Variants in PTPRK observed in about 807,000 individuals in gnomAD.
PTPRK encodes protein tyrosine phosphatase receptor type K.
PTPRK carries 75 observed loss-of-function variants against 178.0 expected under a neutral mutation model. The observed-to-expected ratio is 0.42, with a 90% CI of 0.35 to 0.51. The LOEUF (loss-of-function observed/expected upper bound fraction) is 0.51. Ranked by LOEUF, PTPRK falls within the 20% of genes least tolerant of loss-of-function variation. The pLI is 0.02. For synonymous variants in PTPRK, 637 were observed against 620.6 expected (o/e 1.03, Z -0.39); for missense variants, 1,441 against 1,797.8 (o/e 0.80, Z 3.59).
chr6:127,998,766 T>C lies in PTPRK; in HGVS notation c.2633A>G (p.Asn878Ser), dbSNP rs371512330. Residue 878 changes from asparagine (N) to serine (S), a missense_variant, in exon 16 of 30, where the codon AAT (asparagine) becomes AGT (serine). Coordinates refer to ENST00000368226, the MANE Select transcript of PTPRK (RefSeq NM_002844.4). Reference protein sequence around the residue: ...IRVADLLQHINLMKTSDSYGF... With the variant: ...IRVADLLQHISLMKTSDSYGF... ...ATAGCTGTCTGATGTCTTCATGAGA[T>C]TAATGTGCTGCAGTAAATCAGCTAC... The C allele has an allele frequency of 1.5e-5, 24 of 1,608,860 alleles. No individual in the cohort carries two copies. The highest frequency in any genetic ancestry group is 2.0e-5 in the Non-Finnish European group (24 of 1,176,896).
intron 1 of PTPRK, among the ~76,000 whole-genome samples, chr6:128,434,928 G>A (rs1233361442): frequency 2.6e-5 from 4 of 152,128 alleles, no homozygotes; most frequent in Non-Finnish European, 5.9e-5. Flanking sequence ...GGAGGCTGAG[G>A]TAGGAGGATC....
At chr6:128,422,111 T>A (rs1393514447) in intron 1 of PTPRK, among the ~76,000 whole-genome samples, 1 of 152,262 alleles carries the variant, frequency 6.6e-6, no homozygotes, top group African/African-American at 2.4e-5. Context: ...AAGGTTATGT[T>A]TAATTTTTCA....
At chr6:128,329,466 G>C in intron 2 of PTPRK, among the ~76,000 whole-genome samples, 1 of 150,060 alleles carries the variant, frequency 6.7e-6, no homozygotes. Context: ...CCAGACTCAG[G>C]ACAGGAGAGC....
In PTPRK at chr6:128,219,080, T is replaced by C. The variant is rs761317393; in HGVS notation, c.710A>G (p.Asp237Gly). ...KLWLQRRNGE[D>G]IPVAQTKNIN... ...GTTCTTAGTCTGGGCTACTGGTATA[T>C]CTTCTCCATTTCGTCTCTGCAAACA... Residue 237 changes from aspartate to glycine, a missense_variant, in exon 6 of 30, where the codon GAT (aspartate) becomes GGT (glycine). Around this residue, in one of 4 missense-constraint regions of PTPRK, gnomAD observed 945 missense variants for 1,080.6 expected, o/e 0.87. Coordinates refer to ENST00000368226, the MANE Select transcript of PTPRK (RefSeq NM_002844.4). The C allele has an allele frequency of 1.8e-5, 29 of 1,612,788 alleles. No individual in the cohort carries two copies. In the Admixed American group the frequency reaches 4.8e-4, roughly 27 times the overall value.
chr6:128,211,484 AC>A (rs1358383461), intron 6 of PTPRK, among the ~76,000 whole-genome samples: 1 of 152,152 alleles, frequency 6.6e-6, no homozygotes, highest in Non-Finnish European at 1.5e-5. Context: ...TTTCTGTGGT[AC>A]TATCATAAAC....
chr6:127,980,213 G>T (rs1333670159), intron 25 of PTPRK, among the ~76,000 whole-genome samples: 1 of 152,204 alleles, frequency 6.6e-6, no homozygotes, highest in African/African-American at 2.4e-5. Context: ...GGGAGGCAAA[G>T]GCAGGAGAAT....
intron 2 of PTPRK, among the ~76,000 whole-genome samples, chr6:128,331,489 A>G (rs1395033023): frequency 6.6e-6 from 1 of 152,284 alleles, no homozygotes; most frequent in East Asian, 1.9e-4. Flanking sequence ...GAGAAAAAAA[A>G]AGAGTAAAAT....
chr6:128,505,104 C>CTTTTTTT (rs1491132852), intron 1 of PTPRK, among the ~76,000 whole-genome samples: 1 of 142,832 alleles, frequency 7.0e-6, no homozygotes, highest in African/African-American at 2.6e-5. Context: ...AAGAAATTTA[C>CTTTTTTT]TTGTTTTTTT....
At chr6:128,132,865 G>A (rs912610564) in intron 7 of PTPRK, among the ~76,000 whole-genome samples, 2 of 152,106 alleles carry the variant, frequency 1.3e-5, no homozygotes, top group East Asian at 3.9e-4. Flanking sequence ...AAATTGTCCT[G>A]ATTTTTTTCC....
At chr6:128,003,888 C>T (rs1455185136) in intron 15 of PTPRK, among the ~76,000 whole-genome samples, 1 of 151,750 alleles carries the variant, frequency 6.6e-6, no homozygotes, top group Non-Finnish European at 1.5e-5. Context: ...ATGATTATAA[C>T]TAAATTCCAA....
At chr6:128,089,541 C>T (rs1786556727) in intron 8 of PTPRK, 149 bp downstream of exon 8, 2 of 845,482 alleles carry the variant, frequency 2.4e-6, no homozygotes, top group Non-Finnish European at 3.6e-6. Context: ...TTGTAAAAGG[C>T]AATTTTTTTC....
At chr6:128,109,962 A>C (rs1001337105) in intron 7 of PTPRK, among the ~76,000 whole-genome samples, 8 of 152,088 alleles carry the variant, frequency 5.3e-5, no homozygotes, top group African/African-American at 1.9e-4. Context: ...CTGGAAATCA[A>C]TGGCTCAATC....
At chr6:128,470,059 C>A (rs1437196695) in intron 1 of PTPRK, among the ~76,000 whole-genome samples, 1 of 152,116 alleles carries the variant, frequency 6.6e-6, no homozygotes, top group Non-Finnish European at 1.5e-5. Context: ...TTTGTTGCAG[C>A]AGCCATAGAA....
chr6:128,114,113 A>G (rs1791108261), intron 7 of PTPRK, among the ~76,000 whole-genome samples: 1 of 152,014 alleles, frequency 6.6e-6, no homozygotes, highest in Non-Finnish European at 1.5e-5. Context: ...TGTATTCCAG[A>G]TTGTATTAGT....
chr6:128,056,478 G>A (rs1779917573), intron 13 of PTPRK, among the ~76,000 whole-genome samples: 1 of 150,618 alleles, frequency 6.6e-6, no homozygotes, highest in South Asian at 2.1e-4. Context: ...GGGCTGGAGT[G>A]CAGTGGTGTG....
At chr6:128,315,099 T>C (rs888189667) in intron 3 of PTPRK, among the ~76,000 whole-genome samples, 10 of 152,156 alleles carry the variant, frequency 6.6e-5, no homozygotes, top group Non-Finnish European at 1.2e-4. Context: ...TTCATCTCTT[T>C]GTAAGCCTTA....
chr6:128,156,124 G>T (rs985370449), intron 7 of PTPRK, among the ~76,000 whole-genome samples: 14 of 151,564 alleles, frequency 9.2e-5, no homozygotes, highest in Admixed American at 5.3e-4. Flanking sequence ...GTTTGTGTTT[G>T]GTCATCTATG....
At chr6:128,358,419 C>T (rs1025775734) in intron 2 of PTPRK, among the ~76,000 whole-genome samples, 1 of 152,154 alleles carries the variant, frequency 6.6e-6, no homozygotes, top group Non-Finnish European at 1.5e-5. Context: ...TTCAGAGTAA[C>T]CCAACAGTGT....
chr6:128,414,154 T>C (rs1040712274), intron 1 of PTPRK, among the ~76,000 whole-genome samples: 4 of 152,128 alleles, frequency 2.6e-5, no homozygotes, highest in Non-Finnish European at 4.4e-5. Flanking sequence ...AAATAGATAC[T>C]CACAGAAAAA....
Sources: gnomAD v4.1 joint callset for allele counts (sites outside exome capture counted in the v4.1 genomes callset) on GRCh38, gnomAD v4.1.1 for gene constraint, gnomAD v4.1.1 regional missense constraint, MANE v1.5 for transcripts, NCBI Gene and HGNC (gene_info 2026-07-23, HGNC 2026-07-21) for gene names.